The following INO80D variants were observed in gnomAD, a reference collection of about 807,000 sequenced individuals.
INO80D encodes INO80 complex subunit D.
In INO80D, 21 loss-of-function variants were observed where a neutral mutation model predicts 87.6. The observed-to-expected ratio is 0.24, with a 90% CI of 0.17 to 0.35. INO80D has a LOEUF of 0.35. Among genes scored for constraint, INO80D ranks in the 10% least tolerant of loss-of-function variants. The pLI is 1.00. For synonymous variants in INO80D, 440 were observed against 491.0 expected (o/e 0.90, Z 1.37); for missense variants, 982 against 1,280.7 (o/e 0.77, Z 3.56).
intron 4 of INO80D, among the ~76,000 whole-genome samples, chr2:206,052,582 G>A (rs1309509227): frequency 6.6e-6 from 1 of 152,052 alleles, no homozygotes; most frequent in Non-Finnish European, 1.5e-5. Context: ...GGCCAAGACA[G>A]GAGGATCAGC....
chr2:205,998,473 GC>G lies in INO80D; in HGVS notation c.*5894del, dbSNP rs1489652287. 4.1e-5 allele frequency: 5 copies of G among 121,012 alleles called. No individual in the cohort carries two copies. Among genetic ancestry groups the G allele is most frequent in the Admixed American group, 2.6e-4 (3 of 11,682 alleles). 7.5% of individuals were successfully genotyped at this position (121,012 alleles called of 1,614,324 possible). A position where few individuals can be genotyped will look rare whatever the true frequency, so the allele number is the denominator to read the frequency against. On this transcript the variant is annotated 3_prime_UTR_variant, in exon 11 of 11. Transcript: ENST00000403263. ...GTCAAAAAAAAAAAAAAAAAAAAAA[GC>G]TCATATATATTTAGCTATTAAACAC... is the stretch of plus-strand genomic sequence containing the variant.
At chr2:206,030,656 G>C in intron 5 of INO80D, among the ~76,000 whole-genome samples, 1 of 152,134 alleles carries the variant, frequency 6.6e-6, no homozygotes, top group East Asian at 1.9e-4. Context: ...GTCTGTAAGG[G>C]AATAATGATA....
rs761951615 is a variant in INO80D, at chr2:206,004,684, G to A, written c.2768C>T (p.Thr923Ile). 55 of 1,613,872 alleles carry A rather than the reference G, an allele frequency of 3.4e-5. 1 individual carries two copies. The highest frequency in any genetic ancestry group is 5.1e-6 in the Non-Finnish European group (6 of 1,179,886). The change falls in exon 11 of 11, where the codon ACC becomes ATC. Residue 923 changes from threonine (T) to isoleucine (I), a missense_variant. Transcript: ENST00000403263. This position sits in a 1 kb window ranked among gnomAD's most constrained non-coding sequence, Gnocchi z 4.9. ...LLSTSLSTPPTTSNSETTQPA... is the reference protein window; with the variant it reads ...LLSTSLSTPPITSNSETTQPA... ...CTGTGTGGTCTCTGAGTTCGAAGTG[G>A]TGGGTGGCGTGGATAGGGAAGTGGA...
Position 206,017,681 on chromosome 2 carries a change from AT to A in INO80D, c.1540del (p.Met514TrpfsTer5). On this transcript the variant is annotated frameshift_variant and splice_region_variant, in exon 8 of 11. Coordinates refer to ENST00000403263, the MANE Select transcript of INO80D (RefSeq NM_017759.5). LOFTEE classifies it high-confidence loss of function. The part of the protein sequence containing the change: ...TPLCEEHAKK[M>X]DNFLRGDNSR... ...GAAAGCCTCTGTTGCAGAACTTACC[AT>A]TTTTTTGGCATGTTCTTCACACAGA... 1.9e-6 allele frequency: 3 copies of A among 1,581,202 alleles called. No homozygotes were observed. Among genetic ancestry groups the A allele is most frequent in the Admixed American group, 3.9e-5 (2 of 51,880 alleles).
chr2:205,999,518 C>T lies in INO80D; in HGVS notation c.*4850G>A. On this transcript the variant is annotated 3_prime_UTR_variant, in exon 11 of 11. Coordinates refer to ENST00000403263, the MANE Select transcript of INO80D (RefSeq NM_017759.5). ...CTCTCTCTCTGAAACGTCACATTTC[C>T]TCTTATTAGCTCTGTATCACAGTGC... 1 of 152,160 alleles carries T rather than the reference C, an allele frequency of 6.6e-6. No homozygotes were observed. The highest frequency in any genetic ancestry group is 1.9e-4 in the East Asian group (1 of 5,172). The allele number at this position is 152,160 out of a possible 1,614,324, so 9.4% of individuals were successfully genotyped here.
Position 205,996,089 on chromosome 2 carries a change from A to T in INO80D, c.*8279T>A, listed in dbSNP as rs1049153836. On this transcript the variant is annotated 3_prime_UTR_variant, in exon 11 of 11. Transcript: ENST00000403263. The stretch of plus-strand genomic sequence containing the variant: ...AATGTCCCCAAATTATTGAGCTAAA[A>T]CTTTCAAATTTGTTTTATTTGAAGG... The T allele has an allele frequency of 2.6e-5, 4 of 152,082 alleles. No individual in the cohort carries two copies. Among genetic ancestry groups the T allele is most frequent in the African/African-American group, 9.7e-5 (4 of 41,432 alleles). The allele number at this position is 152,082 out of a possible 1,614,324, so 9.4% of individuals were successfully genotyped here.
intron 5 of INO80D, among the ~76,000 whole-genome samples, chr2:206,035,845 A>G (rs932687043): frequency 6.6e-6 from 1 of 152,232 alleles, no homozygotes; most frequent in African/African-American, 2.4e-5. Flanking sequence ...AACGACTAAT[A>G]TCCAGAATCC....
chr2:206,020,461 C>CA (rs1433090411), intron 6 of INO80D, among the ~76,000 whole-genome samples: 4 of 151,798 alleles, frequency 2.6e-5, no homozygotes, highest in African/African-American at 4.8e-5. Flanking sequence ...CATAAATCTG[C>CA]AAAAAAACTC....
chr2:206,017,058 T>C lies in INO80D; in HGVS notation c.1542+622A>G, dbSNP rs908461451. On this transcript the variant is annotated intron_variant, in intron 8 of 10. Transcript: ENST00000403263. The stretch of plus-strand genomic sequence containing the variant: ...AGGCTGAATCCTTAGCCCCTAGTTA[T>C]ATACCAAGCTGGTGGCAAAGCCAGG... 2.6e-5 allele frequency among the ~76,000 whole-genome samples: 4 copies of C among 152,182 alleles called. No individual in the cohort carries two copies. In the East Asian group the frequency reaches 5.8e-4, roughly 22 times the overall value.
In INO80D at chr2:206,005,506, G is replaced by T; in HGVS notation, c.1946C>A (p.Thr649Asn). 1 of 1,612,762 alleles carries T rather than the reference G, an allele frequency of 6.2e-7. No individual in the cohort carries two copies. The highest frequency in any genetic ancestry group is 8.5e-7 in the Non-Finnish European group (1 of 1,179,780). The change falls in exon 11 of 11, where the codon ACC (threonine) becomes AAC (asparagine). Residue 649 changes from threonine (T) to asparagine (N), a missense_variant. Thr to Asn is a moderately conservative substitution (Grantham distance 65). Coordinates refer to ENST00000403263, the MANE Select transcript of INO80D (RefSeq NM_017759.5). ...EGKNGDLLPT[T>N]EEAEELERAL... ...CCGTTCAAGCTCCTCAGCCTCTTCG[G>T]TAGTTGGGAGGAGGTCTCCATTCTT... is the stretch of plus-strand genomic sequence containing the variant.
intron 1 of INO80D, among the ~76,000 whole-genome samples, chr2:206,080,045 G>C (rs1690231449): frequency 6.6e-6 from 1 of 152,110 alleles, no homozygotes; most frequent in Non-Finnish European, 1.5e-5. Flanking sequence ...ATTCCTCCAG[G>C]CTAAGCTATT....
intron 4 of INO80D, among the ~76,000 whole-genome samples, chr2:206,052,212 G>C (rs1404031003): frequency 6.6e-6 from 1 of 152,030 alleles, no homozygotes; most frequent in Non-Finnish European, 1.5e-5. Flanking sequence ...TTTTGAGATG[G>C]AGTCTCACTC....
rs142504273 is a variant in INO80D, at chr2:206,075,547, C to T, written c.-124+10354G>A. On this transcript the variant is annotated intron_variant, in intron 1 of 10. Transcript: ENST00000403263. ...TGCTGCCCATTTTCAAGTGATTCTC[C>T]TGCCTCAGCTTCCCAAGTGGCTGGA... Among the ~76,000 whole-genome samples the T allele has an allele frequency of 1.8e-3, 267 of 151,878 alleles. No homozygotes were observed. In the East Asian group the frequency reaches 0.02, roughly 11 times the overall value.
intron 7 of INO80D, 79 bp from the exon 8 acceptor site, chr2:206,017,892 T>A: frequency 7.8e-7 from 1 of 1,281,670 alleles, no homozygotes; most frequent in East Asian, 2.4e-5. Flanking sequence ...CTTGTTCCCT[T>A]ACATTTCATA....
At position 206,014,537 on chromosome 2, in the gene INO80D, G is replaced by A. The variant is rs899148329; in HGVS notation, c.1542+3143C>T. ...TGCCCTGCACGAGCTCTTTTTGCCT[G>A]CCACCATCCATGTGAGATGTGACTT... On this transcript the variant is annotated intron_variant, in intron 8 of 10. Transcript: ENST00000403263. 1.1e-4 allele frequency among the ~76,000 whole-genome samples: 16 copies of A among 152,258 alleles called. No individual in the cohort carries two copies. In the East Asian group the frequency reaches 3.1e-3, roughly 29 times the overall value.
At chr2:206,038,819 T>C (rs1290543907) in intron 5 of INO80D, among the ~76,000 whole-genome samples, 3 of 151,644 alleles carry the variant, frequency 2.0e-5, no homozygotes, top group Non-Finnish European at 4.4e-5. Flanking sequence ...AACAAACAAA[T>C]GAACTCAAAA....
rs1689703432 is a variant in INO80D, at chr2:206,062,050, G to C, written c.218+749C>G. Among the ~76,000 whole-genome samples, 1 of 152,170 alleles carries C rather than the reference G, an allele frequency of 6.6e-6. No homozygotes were observed. Among genetic ancestry groups the C allele is most frequent in the Non-Finnish European group, 1.5e-5 (1 of 68,014 alleles). On this transcript the variant is annotated intron_variant, in intron 3 of 10. Transcript: ENST00000403263. The surrounding 1 kb of genome is among the most constrained non-coding windows in gnomAD (Gnocchi z 4.6). ...GAATTTTCCTAACAATATGAAAGAT[G>C]AATAACCAGTATAAGACTCCTTTAA... is the stretch of plus-strand genomic sequence containing the variant.
chr2:206,034,749 T>C (rs917844492), intron 5 of INO80D, among the ~76,000 whole-genome samples: 2 of 151,950 alleles, frequency 1.3e-5, no homozygotes, highest in Admixed American at 1.3e-4. Flanking sequence ...GCCAGAGCAA[T>C]TAGATAAGAG....
rs60979396 is a variant in INO80D, at chr2:206,071,257, CTTTTTTTTTTTTTTTTTT to C, written c.-123-8031_-123-8014del. 8.5e-5 allele frequency among the ~76,000 whole-genome samples: 7 copies of C among 81,978 alleles called. 1 individual carries two copies. Among genetic ancestry groups the C allele is most frequent in the Admixed American group, 3.5e-4 (2 of 5,668 alleles). The allele number at this position is 81,978 out of a possible 152,430, so 53.8% of individuals were successfully genotyped here. ...TACAGGCATAAGCACCACGCCCGGC[CTTTTTTTTTTTTTTTTTT>C]TTTTTTTTTTTTTTTTTTTTTTTTT... On this transcript the variant is annotated intron_variant, in intron 1 of 10. Coordinates refer to ENST00000403263, the MANE Select transcript of INO80D (RefSeq NM_017759.5).
Sources: allele counts gnomAD v4.1 joint callset (sites outside exome capture counted in the v4.1 genomes callset), GRCh38; gene constraint gnomAD v4.1.1; non-coding constraint Gnocchi (gnomAD v3.1); transcripts MANE v1.5; gene names NCBI Gene and HGNC (gene_info 2026-07-23, HGNC 2026-07-21).